Variants in VPS54 observed in about 807,000 individuals in gnomAD.
The protein encoded by VPS54 is vacuolar protein sorting-associated protein 54.
In VPS54, 45 loss-of-function variants were observed where a neutral mutation model predicts 121.5. That is an observed-to-expected ratio of 0.37 (90% CI 0.29 to 0.47). The LOEUF is 0.47. VPS54 is among the 20% of genes least tolerant of loss of function. The probability of loss-of-function intolerance (pLI) is 0.99; values close to 1 mark genes in which losing one functional copy is unlikely to be tolerated. For synonymous variants in VPS54, 371 were observed against 385.8 expected (o/e 0.96, Z 0.45); for missense variants, 1,090 against 1,131.4 (o/e 0.96, Z 0.52).
chr2:63,980,026 T>C (rs774363098), intron 3 of VPS54, among the ~76,000 whole-genome samples: 1 of 152,196 alleles, frequency 6.6e-6, no homozygotes, highest in Non-Finnish European at 1.5e-5. Context: ...CTTGCTGATA[T>C]TCTGCTTGTC....
intron 6 of VPS54, among the ~76,000 whole-genome samples, chr2:63,963,033 T>C (rs1675838777): frequency 6.6e-6 from 1 of 152,110 alleles, no homozygotes. Flanking sequence ...ACTGAAAAAC[T>C]GAAGCTGTTT....
At chr2:63,997,626 GTTTT>G (rs1020808600) in intron 1 of VPS54, among the ~76,000 whole-genome samples, 3 of 151,230 alleles carry the variant, frequency 2.0e-5, no homozygotes, top group Admixed American at 6.6e-5. Context: ...GTTTTGTTTT[GTTTT>G]GTTTTATCTT....
intron 5 of VPS54, among the ~76,000 whole-genome samples, chr2:63,968,654 G>C: frequency 6.6e-6 from 1 of 152,112 alleles, no homozygotes; most frequent in East Asian, 1.9e-4. Context: ...AGGAGACGGA[G>C]GTTACAGTGA....
chr2:63,915,180 T>TAAAAAA (rs1673326585), intron 16 of VPS54, among the ~76,000 whole-genome samples: 1 of 127,246 alleles, frequency 7.9e-6, no homozygotes, highest in African/African-American at 3.3e-5. Context: ...AAAAAAAAAG[T>TAAAAAA]TTTCCGAAGA....
chr2:64,010,405 T>C lies in VPS54; in HGVS notation c.-21+8533A>G, dbSNP rs142096076. Among the ~76,000 whole-genome samples, 185 of 152,334 alleles carry C rather than the reference T, an allele frequency of 1.2e-3. 1 individual carries two copies. Among genetic ancestry groups the C allele is most frequent in the Non-Finnish European group, 2.1e-3 (140 of 68,024 alleles). On this transcript the variant is annotated intron_variant, in intron 1 of 22. Coordinates refer to ENST00000272322, the MANE Select transcript of VPS54 (RefSeq NM_016516.3). ...CAAGAAAAACTTAACCACACTGTAA[T>C]GTCCTACCAAAGATCAGTTTGACAG...
At chr2:64,013,463 G>A (rs553166758) in intron 1 of VPS54, among the ~76,000 whole-genome samples, 88 of 151,348 alleles carry the variant, frequency 5.8e-4, no homozygotes, top group Middle Eastern at 3.4e-3. Context: ...ATTTGAGGGG[G>A]GAAAAAGCTA....
chr2:63,993,321 CAATCT>C (rs1677419487), intron 1 of VPS54, among the ~76,000 whole-genome samples: 1 of 152,148 alleles, frequency 6.6e-6, no homozygotes, highest in Non-Finnish European at 1.5e-5. Flanking sequence ...GGGGAGATTC[CAATCT>C]CCGCAGTCCC....
intron 13 of VPS54, 42 bp downstream of exon 13, chr2:63,921,164 T>C: frequency 6.5e-7 from 1 of 1,550,378 alleles, no homozygotes; most frequent in Non-Finnish European, 8.7e-7. Flanking sequence ...ATCTTCAAAA[T>C]TATTACGTAT....
intron 7 of VPS54, among the ~76,000 whole-genome samples, chr2:63,959,652 C>T (rs372504590): frequency 3.3e-5 from 5 of 152,152 alleles, no homozygotes; most frequent in African/African-American, 7.2e-5. Context: ...TCTGCGGAGC[C>T]GAGGAAGGTA....
chr2:63,939,818 T>C (rs915837955), intron 11 of VPS54, among the ~76,000 whole-genome samples: 3 of 151,872 alleles, frequency 2.0e-5, no homozygotes, highest in African/African-American at 4.8e-5. Context: ...TGGAGTACAG[T>C]AGCACCATCT....
chr2:63,976,691 G>C (rs1023935090), intron 3 of VPS54, among the ~76,000 whole-genome samples: 5 of 151,818 alleles, frequency 3.3e-5, no homozygotes, highest in African/African-American at 1.2e-4. Flanking sequence ...AAATAAATTG[G>C]TCCATTTCAC....
chr2:63,921,399 C>T, intron 12 of VPS54, 64 bp from the exon 13 acceptor site: 1 of 1,518,328 alleles, frequency 6.6e-7, no homozygotes, highest in Admixed American at 2.0e-5. Flanking sequence ...CCACAGGTGA[C>T]CTATCAATAA....
intron 1 of VPS54, among the ~76,000 whole-genome samples, chr2:63,994,950 G>A (rs772503494): frequency 3.3e-5 from 5 of 152,288 alleles, no homozygotes; most frequent in African/African-American, 7.2e-5. Flanking sequence ...TTGGGAGAAC[G>A]AGAATCATCA....
intron 1 of VPS54, among the ~76,000 whole-genome samples, chr2:63,985,181 G>A (rs774243193): frequency 1.3e-5 from 2 of 152,032 alleles, no homozygotes; most frequent in Non-Finnish European, 1.5e-5. Flanking sequence ...TTAGCTGGGC[G>A]TGGTGGTGCA....
chr2:63,980,735 T>C (rs1200972713), intron 3 of VPS54, among the ~76,000 whole-genome samples: 2 of 152,178 alleles, frequency 1.3e-5, no homozygotes, highest in East Asian at 3.9e-4. Context: ...CAATAAATAT[T>C]TGATCAATAT....
At chr2:63,942,390 T>C in intron 11 of VPS54, 75 bp downstream of exon 11, 1 of 1,015,776 alleles carries the variant, frequency 9.8e-7, no homozygotes, top group Non-Finnish European at 1.4e-6. Flanking sequence ...GTTTGAGTCT[T>C]TATTTACATA....
intron 8 of VPS54, among the ~76,000 whole-genome samples, chr2:63,948,453 T>C (rs1302751277): frequency 6.8e-6 from 1 of 146,232 alleles, no homozygotes; most frequent in Non-Finnish European, 1.5e-5. Flanking sequence ...GGTCTTGCTA[T>C]GTCACAATCA....
At chr2:63,928,548 C>CA (rs1674027031) in intron 12 of VPS54, among the ~76,000 whole-genome samples, 1 of 152,060 alleles carries the variant, frequency 6.6e-6, no homozygotes, top group Admixed American at 6.5e-5. Context: ...CCAGACACTG[C>CA]AAAAACAGGC....
intron 7 of VPS54, among the ~76,000 whole-genome samples, chr2:63,956,459 A>C (rs1452052488): frequency 6.6e-6 from 1 of 152,200 alleles, no homozygotes; most frequent in Non-Finnish European, 1.5e-5. Flanking sequence ...AAATCCATTA[A>C]TATGGTAGTT....
Sources: allele counts gnomAD v4.1 joint callset (sites outside exome capture counted in the v4.1 genomes callset), GRCh38; gene constraint gnomAD v4.1.1; transcripts MANE v1.5; gene names NCBI Gene and HGNC (gene_info 2026-07-23, HGNC 2026-07-21).